The following ASTN2 variants were observed in gnomAD, a reference collection of about 807,000 sequenced individuals.
ASTN2 encodes the protein astrotactin 2.
Under a neutral mutation model 139.8 loss-of-function variants are expected in ASTN2, and 54 were observed. That is an observed-to-expected ratio of 0.39 (90% CI 0.31 to 0.48). The LOEUF (loss-of-function observed/expected upper bound fraction) is 0.48. ASTN2 is among the 20% of genes least tolerant of loss of function. ASTN2 has a pLI of 0.95. For synonymous variants in ASTN2, 756 were observed against 719.5 expected (o/e 1.05, Z -0.81); for missense variants, 1,565 against 1,725.1 (o/e 0.91, Z 1.64).
chr9:116,533,028 T>C (rs1851430469), intron 19 of ASTN2, among the ~76,000 whole-genome samples: 5 of 152,224 alleles, frequency 3.3e-5, no homozygotes, highest in Admixed American at 2.6e-4. Flanking sequence ...TGTCCTCTTT[T>C]ATCTCATTGA....
intron 10 of ASTN2, among the ~76,000 whole-genome samples, chr9:116,867,258 T>C (rs1302945412): frequency 6.6e-6 from 1 of 151,532 alleles, no homozygotes; most frequent in Non-Finnish European, 1.5e-5. Context: ...TGTGTAAGTG[T>C]GCCGAGGAGA....
intron 7 of ASTN2, among the ~76,000 whole-genome samples, chr9:116,980,964 C>T (rs757769203): frequency 1.3e-5 from 2 of 152,116 alleles, no homozygotes; most frequent in Admixed American, 6.5e-5. Context: ...TGACTGTGAA[C>T]TCCTGTATAG....
At chr9:117,380,005 G>A (rs1486174913) in intron 1 of ASTN2, among the ~76,000 whole-genome samples, 1 of 152,078 alleles carries the variant, frequency 6.6e-6, no homozygotes, top group Non-Finnish European at 1.5e-5. Flanking sequence ...GCAAGAATCA[G>A]GAGAAAAACA....
rs185575399 is a variant in ASTN2, at chr9:116,820,697, G to A, written c.2127C>T (p.Gly709=). 40 of 1,614,208 alleles carry A rather than the reference G, an allele frequency of 2.5e-5. No individual in the cohort carries two copies. Among genetic ancestry groups the A allele is most frequent in the East Asian group, 4.5e-5 (2 of 44,882 alleles). The change falls in exon 12 of 23, where the codon GGC becomes GGT. Residue 709 remains glycine, a synonymous_variant. Coordinates refer to ENST00000313400, the MANE Select transcript of ASTN2 (RefSeq NM_001365068.1). ...GCTGCAGGCACAGCTGCTCACAGCC[G>A]CCATTAAAGCCATCAGAGCAGTCAA... ...KGIDCSDGFN[G]GCEQLCLQQT...
chr9:117,163,511 C>G (rs1235577278), intron 3 of ASTN2, among the ~76,000 whole-genome samples: 2 of 152,052 alleles, frequency 1.3e-5, no homozygotes, highest in African/African-American at 4.8e-5. Flanking sequence ...ACAACTTTCT[C>G]ATACTATTTT....
chr9:117,397,412 G>A lies in ASTN2; in HGVS notation c.442+17085C>T, dbSNP rs747490041. On this transcript the variant is annotated intron_variant, in intron 1 of 22. Transcript: ENST00000313400. Reference sequence around the variant, plus strand: ...AAATATTGCTGTTGAATTAGGTCAGGTGCGACAACTATAAAAATTTAGAAA... The same window carrying A: ...AAATATTGCTGTTGAATTAGGTCAGATGCGACAACTATAAAAATTTAGAAA... 9.3e-4 allele frequency among the ~76,000 whole-genome samples: 142 copies of A among 152,026 alleles called. 2 individuals carry two copies. Among genetic ancestry groups the A allele is most frequent in the Non-Finnish European group, 9.3e-4 (63 of 68,006 alleles).
chr9:116,666,151 A>C (rs996895700), intron 16 of ASTN2, among the ~76,000 whole-genome samples: 11 of 152,194 alleles, frequency 7.2e-5, no homozygotes, highest in Non-Finnish European at 1.6e-4. Context: ...GAAAATTTCT[A>C]ATGAATGGAT....
At chr9:116,453,593 CAAAAAA>C (rs386416019) in intron 20 of ASTN2, among the ~76,000 whole-genome samples, 13 of 58,784 alleles carry the variant, frequency 2.2e-4, no homozygotes, top group East Asian at 7.1e-4. Flanking sequence ...GACTCCGTCT[CAAAAAA>C]AAAAAAAAAA....
At chr9:116,562,733 T>TAAAAAAA (rs35878476) in intron 19 of ASTN2, among the ~76,000 whole-genome samples, 1 of 64,466 alleles carries the variant, frequency 1.6e-5, no homozygotes, top group Non-Finnish European at 2.8e-5. Flanking sequence ...ACTGCCTCAT[T>TAAAAAAA]AAAAAAAAAA....
rs751168715 is a variant in ASTN2 at position 116,805,741 on chromosome 9, G to A, written c.2287C>T (p.Leu763Phe). The A allele has an allele frequency of 1.2e-6, 2 of 1,613,858 alleles. No individual in the cohort carries two copies. Among genetic ancestry groups the A allele is most frequent in the African/African-American group, 2.7e-5 (2 of 74,902 alleles). Reference protein sequence around the residue: ...LSDVCEGPKCLKPDSKFNDTL... With the variant: ...LSDVCEGPKCFKPDSKFNDTL... ...TCATTGAATTTGGAGTCAGGTTTGAGGCACTTGGGGCCCTCGCAGACATCT... is the reference window on the plus strand; with the variant it reads ...TCATTGAATTTGGAGTCAGGTTTGAAGCACTTGGGGCCCTCGCAGACATCT... Residue 763 changes from leucine (L) to phenylalanine (F), a missense_variant, in exon 13 of 23, where the codon CTC becomes TTC. Transcript: ENST00000313400.
chr9:116,789,412 G>A (rs529715328), intron 13 of ASTN2, among the ~76,000 whole-genome samples: 96 of 152,284 alleles, frequency 6.3e-4, no homozygotes, highest in African/African-American at 2.3e-3. Context: ...CTCCTCTGAG[G>A]ATCTCAGGCA....
At chr9:117,338,626 G>T (rs1828968163) in intron 1 of ASTN2, among the ~76,000 whole-genome samples, 1 of 152,124 alleles carries the variant, frequency 6.6e-6, no homozygotes, top group East Asian at 1.9e-4. Context: ...AGGGGAAGGT[G>T]CTTCTTCCCC....
intron 12 of ASTN2, among the ~76,000 whole-genome samples, chr9:116,807,938 T>G (rs1175655724): frequency 7.1e-6 from 1 of 140,124 alleles, no homozygotes; most frequent in Non-Finnish European, 1.5e-5. Flanking sequence ...AGTGAAATCC[T>G]GTCTCTACTA....
At chr9:117,235,343 A>T (rs1330481954) in intron 2 of ASTN2, among the ~76,000 whole-genome samples, 1 of 152,138 alleles carries the variant, frequency 6.6e-6, no homozygotes, top group Non-Finnish European at 1.5e-5. Context: ...AAAACAAATC[A>T]ATCCTCATTG....
intron 3 of ASTN2, among the ~76,000 whole-genome samples, chr9:117,169,015 A>C (rs1472538056): frequency 6.6e-6 from 1 of 152,118 alleles, no homozygotes; most frequent in Non-Finnish European, 1.5e-5. Context: ...CAGCTGTAAC[A>C]TGGGGATAAT....
At position 116,590,413 on chromosome 9, in the gene ASTN2, C is replaced by T. The variant is rs574964810; in HGVS notation, c.3355+27911G>A. 4.9e-4 allele frequency among the ~76,000 whole-genome samples: 75 copies of T among 152,346 alleles called. 1 individual carries two copies. The highest frequency in any genetic ancestry group is 1.7e-3 in the African/African-American group (72 of 41,574). On this transcript the variant is annotated intron_variant, in intron 19 of 22. Transcript: ENST00000313400. ...CTCAGGGCAGTGCTGACATGCCAGC[C>T]CCCTGTTGCCTTGGCCCTCTCAAGA...
intron 11 of ASTN2, among the ~76,000 whole-genome samples, chr9:116,860,008 T>C (rs1161399183): frequency 6.6e-6 from 1 of 152,120 alleles, no homozygotes; most frequent in Non-Finnish European, 1.5e-5. Flanking sequence ...ATAAAGTGGA[T>C]GAGGCAGCAG....
intron 19 of ASTN2, among the ~76,000 whole-genome samples, chr9:116,597,479 A>T (rs538791072): frequency 1.3e-5 from 2 of 151,212 alleles, no homozygotes; most frequent in Non-Finnish European, 2.9e-5. Flanking sequence ...TTTAGTAGAG[A>T]CGGGCTTTCA....
intron 5 of ASTN2, among the ~76,000 whole-genome samples, chr9:117,080,480 A>G (rs1282060591): frequency 6.6e-6 from 1 of 152,240 alleles, no homozygotes; most frequent in African/African-American, 2.4e-5. Flanking sequence ...ATATGGTAAT[A>G]TAATGCCGAG....
Sources: gnomAD v4.1 joint callset for allele counts (sites outside exome capture counted in the v4.1 genomes callset) on GRCh38, gnomAD v4.1.1 for gene constraint, MANE v1.5 for transcripts, NCBI Gene and HGNC (gene_info 2026-07-23, HGNC 2026-07-21) for gene names.